TNRC6B: variants seen among roughly 807,000 people sequenced by gnomAD.
TNRC6B encodes trinucleotide repeat-containing gene 6B protein.
Under a neutral mutation model 203.6 loss-of-function variants are expected in TNRC6B, and 52 were observed. The ratio of observed to expected loss-of-function variants is 0.26; its 90% CI spans 0.20 to 0.32. The LOEUF (loss-of-function observed/expected upper bound fraction) is 0.32. TNRC6B is among the 10% of genes least tolerant of loss of function. The pLI, the probability that TNRC6B is intolerant of heterozygous loss-of-function variation, is 1.00. For synonymous variants in TNRC6B, 838 were observed against 845.7 expected (o/e 0.99, Z 0.16); for missense variants, 1,923 against 2,286.2 (o/e 0.84, Z 3.24).
At chr22:40,312,869 T>C in intron 18 of TNRC6B, 33 bp from the exon 19 acceptor site, 1 of 1,587,352 alleles carries the variant, frequency 6.3e-7, no homozygotes. Flanking sequence ...ACATTTATCT[T>C]CAGTATTTTC....
At chr22:40,156,758 T>G (rs2068821976) in intron 4 of TNRC6B, among the ~76,000 whole-genome samples, 1 of 19,594 alleles carries the variant, frequency 5.1e-5, no homozygotes. Flanking sequence ...GTTGTTGGTT[T>G]TTTTTTTTTT....
chr22:40,313,731 C>G (rs2071219552), intron 19 of TNRC6B, among the ~76,000 whole-genome samples: 2 of 152,224 alleles, frequency 1.3e-5, no homozygotes, highest in Non-Finnish European at 2.9e-5. Context: ...TAAACATTGT[C>G]TTGTTCTCCT....
At chr22:40,251,067 G>A in intron 2 of TNRC6B, 112 bp from the exon 3 acceptor site, 1 of 781,106 alleles carries the variant, frequency 1.3e-6, no homozygotes, top group Non-Finnish European at 1.9e-6. Flanking sequence ...TTTCAGCTAT[G>A]CCTGTGTGCC....
At chr22:40,227,747 A>G (rs2069811523) in intron 1 of TNRC6B, among the ~76,000 whole-genome samples, 2 of 152,158 alleles carry the variant, frequency 1.3e-5, no homozygotes, top group Non-Finnish European at 2.9e-5. Flanking sequence ...TTATTCTTTC[A>G]ATAGAAAAGA....
chr22:40,263,201 T>C (rs887651736), intron 4 of TNRC6B, among the ~76,000 whole-genome samples: 2 of 152,212 alleles, frequency 1.3e-5, no homozygotes, highest in African/African-American at 4.8e-5. Context: ...CCATTAGGCA[T>C]TGGCAAAGAT....
chr22:40,178,041 A>T lies in TNRC6B; in HGVS notation c.-95A>T. On this transcript the variant is annotated 5_prime_UTR_variant, in exon 1 of 23. Coordinates refer to ENST00000454349, the MANE Select transcript of TNRC6B (RefSeq NM_001162501.2). ...CTGAATATTTAAAATACAAAAAAAC[A>T]GATAGACAAAAAGAATTCATTTTTT... 2 of 1,581,772 alleles carry T rather than the reference A, an allele frequency of 1.3e-6. No homozygotes were observed.
At chr22:40,278,748 T>C (rs1004075925) in intron 9 of TNRC6B, among the ~76,000 whole-genome samples, 4 of 152,200 alleles carry the variant, frequency 2.6e-5, no homozygotes, top group Non-Finnish European at 5.9e-5. Context: ...TATTTATTTA[T>C]TGATTTTTTG....
chr22:40,103,395 C>T (rs1462651282), intron 1 of TNRC6B, among the ~76,000 whole-genome samples: 3 of 152,162 alleles, frequency 2.0e-5, no homozygotes, highest in African/African-American at 7.2e-5. Context: ...CGCCATGCCC[C>T]AGGCAGCCCC....
chr22:40,292,152 C>T (rs951403306), intron 12 of TNRC6B, among the ~76,000 whole-genome samples: 1 of 152,110 alleles, frequency 6.6e-6, no homozygotes, highest in South Asian at 2.1e-4. Context: ...CGAGATCGTG[C>T]CACTGCGCTC....
intron 1 of TNRC6B, among the ~76,000 whole-genome samples, chr22:40,080,094 CTT>C (rs772109662): frequency 3.5e-5 from 4 of 113,758 alleles, no homozygotes; most frequent in Admixed American, 8.9e-5. Context: ...CGTGCCTGGC[CTT>C]TTTTTTTTTT....
At chr22:40,320,157 GAAATGGTGGACTGATCTT>G (rs1368219754) in intron 21 of TNRC6B, among the ~76,000 whole-genome samples, 1 of 152,172 alleles carries the variant, frequency 6.6e-6, no homozygotes, top group Non-Finnish European at 1.5e-5. Context: ...GAAATGAACT[GAAATGGTGGACTGATCTT>G]AAATACCTAT....
intron 1 of TNRC6B, among the ~76,000 whole-genome samples, chr22:40,081,099 G>T (rs901403885): frequency 7.2e-5 from 11 of 151,962 alleles, no homozygotes; most frequent in Admixed American, 5.9e-4. Context: ...GACCTCAAGT[G>T]ATCCACCCGC....
chr22:40,266,925 C>A lies in TNRC6B; in HGVS notation c.2695C>A (p.Pro899Thr). ...TGATGGCACTTCAGCATGGGGAGACCCTAACAGTTATAACTACAAGAATGT... is the reference window on the plus strand; with the variant it reads ...TGATGGCACTTCAGCATGGGGAGACACTAACAGTTATAACTACAAGAATGT... ...IDDGTSAWGD[P>T]NSYNYKNVNL... Residue 899 changes from proline (P) to threonine (T), a missense_variant, in exon 5 of 23, where the codon CCT (proline) becomes ACT (threonine). Transcript: ENST00000454349. The A allele has an allele frequency of 6.2e-7, 1 of 1,613,872 alleles. No homozygotes were observed. Among genetic ancestry groups the A allele is most frequent in the Non-Finnish European group, 8.5e-7 (1 of 1,179,846 alleles).
chr22:40,227,323 A>G lies in TNRC6B; in HGVS notation c.6-18692A>G, dbSNP rs138026438. Among the ~76,000 whole-genome samples the G allele has an allele frequency of 3.6e-5, 5 of 139,504 alleles. No individual in the cohort carries two copies. The East Asian group carries it at 1.1e-3, about 31-fold the overall frequency. The allele number at this position is 139,504 out of a possible 152,430, so 91.5% of individuals were successfully genotyped here. ...CTCAGCCTCCCAAAGTACTGGGGTT[A>G]TAGGCGTGAGCTACCACACCTAGCC... On this transcript the variant is annotated intron_variant, in intron 1 of 22. Transcript: ENST00000454349.
At position 40,265,252 on chromosome 22, in the gene TNRC6B, A is replaced by C; in HGVS notation, c.1022A>C (p.Gln341Pro). The C allele has an allele frequency of 7.4e-6, 12 of 1,614,080 alleles. No individual in the cohort carries two copies. The highest frequency in any genetic ancestry group is 1.0e-5 in the Non-Finnish European group (12 of 1,179,912). The change falls in exon 5 of 23, where the codon CAG (glutamine) becomes CCG (proline). Residue 341 changes from glutamine to proline, a missense_variant. Around this residue, in one of 8 missense-constraint regions of TNRC6B, gnomAD observed 614 missense variants for 587.7 expected, o/e 1.04. Transcript: ENST00000454349. ...AGTGCACAGGTTAGCACAGTAGGTC[A>C]GACATCCAGGGAACAGCAGTCAAAG... ...NSSAQVSTVG[Q>P]TSREQQSKME... is the part of the protein sequence containing the mutation.
intron 1 of TNRC6B, among the ~76,000 whole-genome samples, chr22:40,111,869 G>A (rs770961527): frequency 8.5e-5 from 13 of 152,200 alleles, no homozygotes; most frequent in Non-Finnish European, 1.5e-4. Flanking sequence ...TTGGGAGGCC[G>A]AGGCGGGTGG....
chr22:40,289,123 A>T (rs911782227), intron 12 of TNRC6B, among the ~76,000 whole-genome samples: 10 of 151,972 alleles, frequency 6.6e-5, no homozygotes, highest in East Asian at 3.9e-4. Context: ...CCTACAAAAA[A>T]TTTTTTTTAA....
intron 1 of TNRC6B, among the ~76,000 whole-genome samples, chr22:40,048,052 C>G (rs1458955747): frequency 1.3e-5 from 2 of 152,194 alleles, no homozygotes; most frequent in Non-Finnish European, 2.9e-5. Context: ...CTCATGGGGT[C>G]TTGGAAAATT....
At chr22:40,291,622 A>G (rs1394392572) in intron 12 of TNRC6B, among the ~76,000 whole-genome samples, 1 of 152,226 alleles carries the variant, frequency 6.6e-6, no homozygotes, top group Non-Finnish European at 1.5e-5. Flanking sequence ...CACGGTGATC[A>G]TAATGATGTT....
Sources: gnomAD v4.1 joint callset for allele counts (sites outside exome capture counted in the v4.1 genomes callset) on GRCh38, gnomAD v4.1.1 for gene constraint, gnomAD v4.1.1 regional missense constraint, MANE v1.5 for transcripts, NCBI Gene and HGNC (gene_info 2026-07-23, HGNC 2026-07-21) for gene names.